USP34: variants seen among roughly 807,000 people sequenced by gnomAD.
The protein encoded by USP34 is ubiquitin carboxyl-terminal hydrolase 34.
Under a neutral mutation model 460.3 loss-of-function variants are expected in USP34, and 70 were observed. The observed-to-expected ratio is 0.15, with a 90% CI of 0.13 to 0.19. USP34 has a LOEUF of 0.19. Among genes scored for constraint, USP34 ranks in the 10% least tolerant of loss-of-function variants. The pLI is 1.00. For synonymous variants in USP34, 1,647 were observed against 1,405.3 expected (o/e 1.17, Z -3.85); for missense variants, 3,985 against 4,236.2 (o/e 0.94, Z 1.65).
intron 75 of USP34, among the ~76,000 whole-genome samples, chr2:61,201,460 G>A (rs569605387): frequency 1.3e-5 from 2 of 152,104 alleles, no homozygotes; most frequent in African/African-American, 4.8e-5. Context: ...TGATCCGCCC[G>A]CCTTGGCCTC....
At chr2:61,407,923 T>TGGTCA (rs1468942299) in intron 2 of USP34, among the ~76,000 whole-genome samples, 4 of 152,158 alleles carry the variant, frequency 2.6e-5, no homozygotes, top group African/African-American at 4.8e-5. Context: ...GAGATCAGCC[T>TGGTCA]GGTCAACATG....
At chr2:61,330,602 T>C (rs1177909472) in intron 20 of USP34, among the ~76,000 whole-genome samples, 1 of 152,188 alleles carries the variant, frequency 6.6e-6, no homozygotes, top group East Asian at 1.9e-4. Context: ...TCTTCATTAA[T>C]ATGCCAGTAG....
intron 39 of USP34, among the ~76,000 whole-genome samples, chr2:61,279,280 T>G (rs532129271): frequency 6.6e-6 from 1 of 152,258 alleles, no homozygotes; most frequent in South Asian, 2.1e-4. Flanking sequence ...AAATGTAAAG[T>G]GAACATATTG....
At chr2:61,456,808 T>TA (rs1183190683) in intron 1 of USP34, among the ~76,000 whole-genome samples, 1 of 148,394 alleles carries the variant, frequency 6.7e-6, no homozygotes, top group Non-Finnish European at 1.5e-5. Flanking sequence ...AGAGTAAAAA[T>TA]AAAAAACACC....
In USP34 at chr2:61,259,734, G is replaced by T; in HGVS notation, c.5821C>A (p.Gln1941Lys). 6.2e-7 allele frequency: 1 copy of T among 1,613,258 alleles called. No individual in the cohort carries two copies. The highest frequency in any genetic ancestry group is 8.5e-7 in the Non-Finnish European group (1 of 1,179,910). ...MKHKTTLLEL[Q>K]KMFTYLMESE... is the part of the protein sequence containing the mutation. The stretch of plus-strand genomic sequence containing the variant: ...ACCATTAAATATGTAAACATTTTCT[G>T]AAGCTCCAGAAGAGTGGTCTTGTGC... Residue 1941 changes from glutamine (Q) to lysine (K), a missense_variant, in exon 44 of 80, where the codon CAG becomes AAG. Physicochemically the swap from Gln to Lys is moderately conservative, Grantham distance 53 (BLOSUM62 1). Around this residue, in one of 14 missense-constraint regions of USP34, gnomAD observed 145 missense variants for 291.6 expected, o/e 0.50. Transcript: ENST00000398571.
intron 1 of USP34, among the ~76,000 whole-genome samples, chr2:61,440,417 G>A (rs1012988119): frequency 3.9e-5 from 6 of 152,120 alleles, no homozygotes; most frequent in Admixed American, 1.3e-4. Flanking sequence ...CAGTGATTGC[G>A]GCTTCCTGTT....
chr2:61,397,945 T>G (rs1448190345), intron 3 of USP34, among the ~76,000 whole-genome samples: 1 of 151,588 alleles, frequency 6.6e-6, no homozygotes. Flanking sequence ...CACACGCCTG[T>G]AATCCCAGCT....
chr2:61,428,034 G>A (rs987912360), intron 1 of USP34, among the ~76,000 whole-genome samples: 6 of 151,904 alleles, frequency 3.9e-5, no homozygotes, highest in South Asian at 4.2e-4. Flanking sequence ...GCATGGTGGC[G>A]TGTGCCTGTA....
chr2:61,235,390 A>G (rs1327961416), intron 57 of USP34, among the ~76,000 whole-genome samples: 2 of 148,744 alleles, frequency 1.3e-5, no homozygotes, highest in East Asian at 2.0e-4. Context: ...CAGTGGCACA[A>G]TCTCAGCTCA....
At chr2:61,221,818 T>A (rs889442231) in intron 65 of USP34, 13 of 406,072 alleles carry the variant, frequency 3.2e-5, no homozygotes, top group Non-Finnish European at 4.4e-5. Flanking sequence ...ATGATAGATT[T>A]TTCTGGATGT....
intron 3 of USP34, among the ~76,000 whole-genome samples, chr2:61,403,049 T>G (rs1361215978): frequency 2.0e-5 from 3 of 151,968 alleles, no homozygotes; most frequent in African/African-American, 7.2e-5. Flanking sequence ...GAAAAGAAAA[T>G]TAAAGAGGCA....
chr2:61,320,390 T>A (rs1572931873), intron 21 of USP34, among the ~76,000 whole-genome samples: 1 of 152,080 alleles, frequency 6.6e-6, no homozygotes, highest in Admixed American at 6.5e-5. Flanking sequence ...GAATCCACAG[T>A]GCATGTCTTT....
chr2:61,469,948 GAGAT>G (rs1354555255), intron 1 of USP34, among the ~76,000 whole-genome samples: 3 of 152,204 alleles, frequency 2.0e-5, no homozygotes, highest in East Asian at 3.8e-4. Context: ...CCTTCCAAGA[GAGAT>G]AGGCCATAAC....
chr2:61,332,657 A>G (rs1201800964), intron 19 of USP34, among the ~76,000 whole-genome samples: 2 of 152,034 alleles, frequency 1.3e-5, no homozygotes, highest in African/African-American at 2.4e-5. Context: ...TAAAAATTAT[A>G]GAAAGAGGCA....
At chr2:61,221,651 C>G in intron 65 of USP34, 45 bp from the exon 66 acceptor site, 1 of 1,559,934 alleles carries the variant, frequency 6.4e-7, no homozygotes, top group Non-Finnish European at 8.8e-7. Context: ...AATCTGAACC[C>G]ATCTCCTTCA....
At chr2:61,220,263 T>G in intron 67 of USP34, 47 bp downstream of exon 67, 1 of 1,534,612 alleles carries the variant, frequency 6.5e-7, no homozygotes, top group Non-Finnish European at 8.8e-7. Flanking sequence ...AAACATAACT[T>G]TGAACAATAA....
chr2:61,412,660 G>A lies in USP34; in HGVS notation c.132-6532C>T, dbSNP rs180682096. Among the ~76,000 whole-genome samples the A allele has an allele frequency of 2.5e-4, 38 of 152,038 alleles. No individual in the cohort carries two copies. The East Asian group carries it at 7.0e-3, about 28-fold the overall frequency. On this transcript the variant is annotated intron_variant, in intron 2 of 79. Coordinates refer to ENST00000398571, the MANE Select transcript of USP34 (RefSeq NM_014709.4). ...TCCCAGCACTTTAGTAGGCTAAGGT[G>A]GGATGACTGCTTGAACCCAGGAGTT... is the stretch of plus-strand genomic sequence containing the variant.
chr2:61,338,793 T>C (rs879820248), intron 18 of USP34, among the ~76,000 whole-genome samples: 26 of 152,090 alleles, frequency 1.7e-4, no homozygotes, highest in Non-Finnish European at 3.1e-4. Flanking sequence ...CACTAATCTG[T>C]TTAAAAACAA....
intron 15 of USP34, 103 bp downstream of exon 15, chr2:61,347,767 C>T (rs1039773600): frequency 3.3e-6 from 5 of 1,510,676 alleles, no homozygotes; most frequent in African/African-American, 1.4e-5. Context: ...CACTATACTA[C>T]TAATGAATAG....
Sources: allele counts gnomAD v4.1 joint callset (sites outside exome capture counted in the v4.1 genomes callset), GRCh38; gene constraint gnomAD v4.1.1; regional missense constraint gnomAD v4.1.1; transcripts MANE v1.5; gene names NCBI Gene and HGNC (gene_info 2026-07-23, HGNC 2026-07-21).